The following STK32A variants were observed in gnomAD, a reference collection of about 807,000 sequenced individuals.
STK32A encodes the protein serine/threonine kinase 32A.
STK32A carries 41 observed loss-of-function variants against 53.2 expected under a neutral mutation model. The observed-to-expected ratio is 0.77, with a 90% CI of 0.60 to 1.00. The LOEUF (loss-of-function observed/expected upper bound fraction) is 1.00, where lower values mean the gene tolerates loss of function less well. STK32A is among the 50% of genes least tolerant of loss of function. The pLI is 0.00. For missense variants in STK32A, 458 were observed against 485.8 expected, an observed-to-expected ratio of 0.94 and a Z score of 0.54; for synonymous variants, 166 against 162.8, an observed-to-expected ratio of 1.02 and a Z score of -0.15.
intron 8 of STK32A, among the ~76,000 whole-genome samples, chr5:147,363,110 A>ACAAG (rs923892299): frequency 8.2e-5 from 10 of 122,410 alleles, no homozygotes; most frequent in African/African-American, 3.5e-4. Context: ...CAAAAAACAA[A>ACAAG]CAAACAAAAA....
In STK32A at chr5:147,258,337, A is replaced by T. The variant is rs192292936; in HGVS notation, c.52+18651A>T. Among the ~76,000 whole-genome samples the T allele has an allele frequency of 2.1e-3, 321 of 152,116 alleles. 2 individuals carry two copies. The highest frequency in any genetic ancestry group is 7.4e-3 in the African/African-American group (308 of 41,464). On this transcript the variant is annotated intron_variant, in intron 2 of 12. Coordinates refer to ENST00000397936, the MANE Select transcript of STK32A (RefSeq NM_001112724.2). ...AACTTGCTTAAACCTTTAAAACAAA[A>T]TATTTGTTTATTTTTAAACTTTTAA...
At chr5:147,265,056 A>AT (rs928525776) in intron 2 of STK32A, among the ~76,000 whole-genome samples, 9 of 150,286 alleles carry the variant, frequency 6.0e-5, no homozygotes, top group Non-Finnish European at 8.9e-5. Context: ...ACTTTGCTGT[A>AT]TTTTTTATAC....
intron 6 of STK32A, among the ~76,000 whole-genome samples, chr5:147,347,805 G>A (rs1332995155): frequency 1.3e-5 from 2 of 152,116 alleles, no homozygotes; most frequent in Non-Finnish European, 2.9e-5. Flanking sequence ...TGGCAGATAG[G>A]TCACCATGGT....
intron 5 of STK32A, among the ~76,000 whole-genome samples, chr5:147,325,557 A>AC (rs1554105233): frequency 6.6e-6 from 1 of 151,916 alleles, no homozygotes; most frequent in Non-Finnish European, 1.5e-5. Flanking sequence ...ATTTATTTTT[A>AC]TTTTTTTGGG....
At chr5:147,288,707 AT>A (rs1396407160) in intron 4 of STK32A, among the ~76,000 whole-genome samples, 1 of 152,126 alleles carries the variant, frequency 6.6e-6, no homozygotes, top group Non-Finnish European at 1.5e-5. Context: ...CACCAAGAGG[AT>A]GGTGTGAAAC....
At chr5:147,293,638 G>A (rs551537086) in intron 4 of STK32A, among the ~76,000 whole-genome samples, 58 of 152,000 alleles carry the variant, frequency 3.8e-4, no homozygotes, top group African/African-American at 1.3e-3. Context: ...ATAATTCCAA[G>A]ATTTCAAAAG....
chr5:147,312,340 G>A (rs1452266011), intron 4 of STK32A, among the ~76,000 whole-genome samples: 1 of 152,102 alleles, frequency 6.6e-6, no homozygotes, highest in Admixed American at 6.5e-5. Context: ...CTGATCTCAG[G>A]TGATCCACCC....
At chr5:147,326,287 G>A (rs1395119492) in intron 5 of STK32A, among the ~76,000 whole-genome samples, 2 of 152,052 alleles carry the variant, frequency 1.3e-5, no homozygotes, top group African/African-American at 4.8e-5. Flanking sequence ...ATTACTTAGT[G>A]CCCGTTCTCA....
intron 4 of STK32A, among the ~76,000 whole-genome samples, chr5:147,297,613 A>G (rs2151964363): frequency 6.6e-6 from 1 of 152,290 alleles, no homozygotes; most frequent in South Asian, 2.1e-4. Context: ...GCATGTTAAT[A>G]TTTCAAAGAT....
chr5:147,288,577 G>A (rs1752451135), intron 4 of STK32A, among the ~76,000 whole-genome samples: 1 of 152,196 alleles, frequency 6.6e-6, no homozygotes. Context: ...AATCATTGTG[G>A]AAGGCAAAAA....
At chr5:147,376,460 G>C (rs1757236075) in intron 11 of STK32A, among the ~76,000 whole-genome samples, 2 of 152,222 alleles carry the variant, frequency 1.3e-5, no homozygotes, top group South Asian at 4.1e-4. Context: ...AGGCCTCTCT[G>C]ATAACAGGAC....
At chr5:147,278,245 A>C in intron 3 of STK32A, 66 bp downstream of exon 3, 1 of 1,317,300 alleles carries the variant, frequency 7.6e-7, no homozygotes, top group Non-Finnish European at 1.1e-6. Context: ...GAGGGTCCAG[A>C]AATGTTCACA....
At chr5:147,393,996 C>CG in the STK32A span, 2 of 1,602,574 alleles carry the variant, frequency 1.2e-6, no homozygotes, top group Non-Finnish European at 1.7e-6. Flanking sequence ...TCAAAACAAT[C>CG]TCTTCTTGCT....
the STK32A span, among the ~76,000 whole-genome samples, chr5:147,395,045 C>T: frequency 6.6e-6 from 1 of 152,208 alleles, no homozygotes; most frequent in Non-Finnish European, 1.5e-5. Flanking sequence ...AGACTAATCA[C>T]ATGGCTAACA....
chr5:147,369,522 G>A (rs998353149), intron 8 of STK32A, among the ~76,000 whole-genome samples: 9 of 152,124 alleles, frequency 5.9e-5, no homozygotes. Flanking sequence ...AATCTCATGA[G>A]GTAGCTCATT....
rs1239894997 is a variant in STK32A, at chr5:147,385,262, T to G, written c.*1279T>G. On this transcript the variant is annotated 3_prime_UTR_variant, in exon 13 of 13. Coordinates refer to ENST00000397936, the MANE Select transcript of STK32A (RefSeq NM_001112724.2). The stretch of plus-strand genomic sequence containing the variant: ...AAGTGATTCTTGTGTCTCAGCCTCC[T>G]AAGTAGCTGGGATCGCATGTGTGTG... 1 of 152,156 alleles carries G rather than the reference T, an allele frequency of 6.6e-6. No homozygotes were observed. Among genetic ancestry groups the G allele is most frequent in the Non-Finnish European group, 1.5e-5 (1 of 68,038 alleles). 9.4% of individuals were successfully genotyped at this position (152,156 alleles called of 1,614,324 possible).
intron 6 of STK32A, among the ~76,000 whole-genome samples, chr5:147,348,221 A>T (rs563108411): frequency 6.4e-4 from 98 of 152,332 alleles, no homozygotes; most frequent in Admixed American, 1.4e-3. Context: ...TTGTGCAACA[A>T]CATTTTGAAA....
At chr5:147,395,529 C>T in the STK32A span, 1 of 1,589,230 alleles carries the variant, frequency 6.3e-7, no homozygotes, top group East Asian at 2.3e-5. Flanking sequence ...TCCCCCTTCT[C>T]TTATCTTTTG....
At chr5:147,383,798 A>G (rs1757546346) in intron 12 of STK32A, 92 bp from the exon 13 acceptor site, 4 of 1,183,472 alleles carry the variant, frequency 3.4e-6, no homozygotes, top group Admixed American at 3.3e-5. Flanking sequence ...GCTTATTTAT[A>G]AATTATTGGG....
Sources: gnomAD v4.1 joint callset for allele counts (sites outside exome capture counted in the v4.1 genomes callset) on GRCh38, gnomAD v4.1.1 for gene constraint, MANE v1.5 for transcripts, NCBI Gene and HGNC (gene_info 2026-07-23, HGNC 2026-07-21) for gene names.